PCDH15: variants seen among roughly 807,000 people sequenced by gnomAD.
PCDH15 encodes protocadherin-15.
In PCDH15, 129 loss-of-function variants were observed where a neutral mutation model predicts 178.5. The observed-to-expected ratio is 0.72, with a 90% CI of 0.63 to 0.84. The LOEUF is 0.84. Among genes scored for constraint, PCDH15 ranks in the 40% least tolerant of loss-of-function variants. PCDH15 has a pLI of 0.00. For missense variants in PCDH15, 2,230 were observed against 2,099.9 expected (o/e 1.06, Z -1.21); for synonymous variants, 800 against 732.0 (o/e 1.09, Z -1.50).
At chr10:55,139,436 C>T (rs1008166181) in intron 2 of PCDH15, among the ~76,000 whole-genome samples, 1 of 151,978 alleles carries the variant, frequency 6.6e-6, no homozygotes, top group Non-Finnish European at 1.5e-5. Flanking sequence ...TAAGTCCATG[C>T]TCCATTTTGA....
At chr10:54,487,520 C>T (rs866753449) in intron 3 of PCDH15, among the ~76,000 whole-genome samples, 1 of 152,038 alleles carries the variant, frequency 6.6e-6, no homozygotes, top group Non-Finnish European at 1.5e-5. Flanking sequence ...ACTAAAATTA[C>T]AACTTTTCCC....
intron 1 of PCDH15, among the ~76,000 whole-genome samples, chr10:55,277,715 C>G (rs1201635892): frequency 6.6e-6 from 1 of 151,956 alleles, no homozygotes. Context: ...GATTTTTCTT[C>G]ACTCTACTCA....
chr10:54,498,926 G>A (rs886335636), intron 3 of PCDH15, among the ~76,000 whole-genome samples: 5 of 152,054 alleles, frequency 3.3e-5, no homozygotes. Flanking sequence ...GGCCAGAGGA[G>A]GAGAGAGAGT....
intron 2 of PCDH15, among the ~76,000 whole-genome samples, chr10:54,946,763 T>C (rs1184598784): frequency 1.3e-5 from 2 of 151,850 alleles, no homozygotes; most frequent in Non-Finnish European, 2.9e-5. Flanking sequence ...ATGGAGCAAT[T>C]GTATGAGATG....
chr10:53,816,924 A>G (rs1015250228), intron 34 of PCDH15, among the ~76,000 whole-genome samples: 3 of 152,200 alleles, frequency 2.0e-5, no homozygotes, highest in African/African-American at 7.2e-5. Context: ...TAAAGCTAAT[A>G]CAGTCACCAT....
intron 15 of PCDH15, among the ~76,000 whole-genome samples, chr10:54,099,513 A>AAAAATAT (rs1347306483): frequency 0.012 from 1,358 of 117,328 alleles, 32 homozygotes; most frequent in East Asian, 0.04. Flanking sequence ...AAAAAAAAAA[A>AAAAATAT]ATATATATAT....
chr10:54,186,127 C>T (rs12241811), intron 11 of PCDH15, among the ~76,000 whole-genome samples: 20,773 of 151,178 alleles, frequency 0.14, 2,805 homozygotes, highest in African/African-American at 0.35. Flanking sequence ...GCAGGTGGAG[C>T]GAAGAAAAAA....
chr10:54,404,560 A>C (rs1952374320), intron 3 of PCDH15, among the ~76,000 whole-genome samples: 1 of 151,932 alleles, frequency 6.6e-6, no homozygotes. Flanking sequence ...CAAAAACTAT[A>C]AAAACCCATT....
At chr10:55,128,254 A>C (rs1004755484) in intron 2 of PCDH15, among the ~76,000 whole-genome samples, 2 of 151,952 alleles carry the variant, frequency 1.3e-5, no homozygotes, top group African/African-American at 4.8e-5. Flanking sequence ...TTTGCATATT[A>C]AAGATTGGGA....
At chr10:54,453,098 G>A (rs775952533) in intron 3 of PCDH15, among the ~76,000 whole-genome samples, 5 of 152,168 alleles carry the variant, frequency 3.3e-5, no homozygotes, top group Non-Finnish European at 5.9e-5. Flanking sequence ...TCAGTGTGGC[G>A]ATTCTTCAGG....
Position 55,084,462 on chromosome 10 carries a change from T to TAAAAAAAAAAAAAAAAAAAAA in PCDH15, c.-80+82113_-80+82114insTTTTTTTTTTTTTTTTTTTTT, listed in dbSNP as rs71461276. 7.9e-4 allele frequency among the ~76,000 whole-genome samples: 115 copies of TAAAAAAAAAAAAAAAAAAAAA among 145,410 alleles called. 1 individual carries two copies. Among genetic ancestry groups the TAAAAAAAAAAAAAAAAAAAAA allele is most frequent in the African/African-American group, 2.6e-3 (102 of 39,722 alleles). On this transcript the variant is annotated intron_variant, in intron 2 of 5. Transcript: ENST00000458638. ...GACTTAAATCTAAGACCTCAAGCTGTAAAAAAAAAACTAAAAGAAAACTTT... is the reference window on the plus strand; with the variant it reads ...GACTTAAATCTAAGACCTCAAGCTGTAAAAAAAAAAAAAAAAAAAAAAAAAAAAAAACTAAAAGAAAACTTT...
At chr10:55,093,963 C>T (rs1170901901) in intron 2 of PCDH15, among the ~76,000 whole-genome samples, 1 of 152,030 alleles carries the variant, frequency 6.6e-6, no homozygotes. Flanking sequence ...ACTAGTTCAG[C>T]CATTGTGGAA....
chr10:55,035,498 G>C (rs1359770052), intron 2 of PCDH15, among the ~76,000 whole-genome samples: 4 of 152,002 alleles, frequency 2.6e-5, no homozygotes, highest in South Asian at 4.1e-4. Flanking sequence ...AAATAAATTT[G>C]TTGTTCCCTC....
chr10:54,769,104 T>C (rs1948813587), intron 1 of PCDH15, among the ~76,000 whole-genome samples: 2 of 152,182 alleles, frequency 1.3e-5, no homozygotes, highest in Non-Finnish European at 2.9e-5. Context: ...ATATCAGATT[T>C]CAGTGAGTTG....
chr10:54,741,419 A>G (rs184711671), intron 1 of PCDH15, among the ~76,000 whole-genome samples: 1 of 151,988 alleles, frequency 6.6e-6, no homozygotes, highest in Non-Finnish European at 1.5e-5. Flanking sequence ...GGTCAAGGAC[A>G]TATAGAAAGT....
chr10:54,454,828 T>G (rs184753299), intron 3 of PCDH15, among the ~76,000 whole-genome samples: 65 of 152,286 alleles, frequency 4.3e-4, no homozygotes, highest in African/African-American at 1.5e-3. Flanking sequence ...AGCTTTCACA[T>G]GTTTTAGCAG....
intron 23 of PCDH15, among the ~76,000 whole-genome samples, chr10:53,950,917 A>G (rs1415454536): frequency 1.3e-5 from 2 of 152,200 alleles, no homozygotes; most frequent in African/African-American, 2.4e-5. Context: ...TGACAATGAG[A>G]GTATGCCTCT....
At chr10:55,624,245 C>T (rs533837385) in intron 2 of PCDH15, among the ~76,000 whole-genome samples, 15 of 151,840 alleles carry the variant, frequency 9.9e-5, no homozygotes, top group Non-Finnish European at 1.6e-4. Flanking sequence ...ATTTTTTCCC[C>T]AGGGTTCCAA....
intron 8 of PCDH15, among the ~76,000 whole-genome samples, chr10:54,280,691 T>C (rs1344029195): frequency 6.6e-6 from 1 of 151,846 alleles, no homozygotes; most frequent in Non-Finnish European, 1.5e-5. Flanking sequence ...TCTTCATCTC[T>C]GTCAATTGTT....
Sources: allele counts gnomAD v4.1 joint callset (sites outside exome capture counted in the v4.1 genomes callset), GRCh38; gene constraint gnomAD v4.1.1; transcripts MANE v1.5; gene names NCBI Gene and HGNC (gene_info 2026-07-23, HGNC 2026-07-21).